SLC39A9: variants seen among roughly 807,000 people sequenced by gnomAD.
SLC39A9 encodes solute carrier family 39 member 9, also known as zinc transporter ZIP9.
In SLC39A9, 14 loss-of-function variants were observed where a neutral mutation model predicts 28.4. The ratio of observed to expected loss-of-function variants is 0.49; its 90% CI spans 0.33 to 0.77. SLC39A9 has a LOEUF of 0.77. Ranked by LOEUF, SLC39A9 falls within the 30% of genes least tolerant of loss-of-function variation. SLC39A9 has a pLI of 0.02. For missense variants in SLC39A9, 283 were observed against 381.1 expected (o/e 0.74, Z 2.14); for synonymous variants, 119 against 149.6 (o/e 0.80, Z 1.49).
At chr14:69,451,039 A>T (rs1388281582) in intron 3 of SLC39A9, among the ~76,000 whole-genome samples, 1 of 152,194 alleles carries the variant, frequency 6.6e-6, no homozygotes, top group East Asian at 1.9e-4. Flanking sequence ...TAAAGCCTCT[A>T]ATTGTTTAAG....
intron 1 of SLC39A9, among the ~76,000 whole-genome samples, chr14:69,422,530 C>T (rs938453919): frequency 8.5e-5 from 13 of 152,146 alleles, no homozygotes; most frequent in Non-Finnish European, 1.5e-4. Flanking sequence ...CTGCTTCCAC[C>T]ACCCAAGCAG....
At position 69,424,097 on chromosome 14, in the gene SLC39A9, C is replaced by T. The variant is rs970104043; in HGVS notation, c.100C>T (p.Arg34Ter). The T allele has an allele frequency of 1.9e-6, 3 of 1,612,812 alleles. No individual in the cohort carries two copies. Among genetic ancestry groups the T allele is most frequent in the Non-Finnish European group, 2.5e-6 (3 of 1,179,100 alleles). ...IPLAVNFSEE[R>*]LKLVTVLGAG... ...ATTTCTTTTGCTTTCTCCCCAGGAACGACTGAAGCTGGTGACTGTTTTGGG... is the reference window on the plus strand; with the variant it reads ...ATTTCTTTTGCTTTCTCCCCAGGAATGACTGAAGCTGGTGACTGTTTTGGG... The change falls in exon 2 of 7, where the codon CGA becomes TGA. Residue 34 changes from arginine to a stop codon, truncating the protein, a stop_gained. Transcript: ENST00000336643. LOFTEE classifies it high-confidence loss of function.
intron 1 of SLC39A9, among the ~76,000 whole-genome samples, chr14:69,403,920 G>C (rs1178053432): frequency 6.6e-6 from 1 of 152,182 alleles, no homozygotes; most frequent in Non-Finnish European, 1.5e-5. Context: ...GCACGTGCCT[G>C]TAATCCCAGC....
At chr14:69,414,215 G>A (rs141487138) in intron 1 of SLC39A9, among the ~76,000 whole-genome samples, 1 of 152,060 alleles carries the variant, frequency 6.6e-6, no homozygotes, top group Non-Finnish European at 1.5e-5. Context: ...ACTCGGCTAA[G>A]TTTTGTATTT....
chr14:69,437,986 C>T (rs1884859920), intron 2 of SLC39A9, among the ~76,000 whole-genome samples: 1 of 150,946 alleles, frequency 6.6e-6, no homozygotes, highest in Non-Finnish European at 1.5e-5. Context: ...TTTGTTTTTG[C>T]TGCTTTACTC....
At chr14:69,439,288 A>G (rs1458322627) in intron 2 of SLC39A9, among the ~76,000 whole-genome samples, 1 of 152,196 alleles carries the variant, frequency 6.6e-6, no homozygotes, top group Non-Finnish European at 1.5e-5. Context: ...ATATGTAACA[A>G]ACCTACACGT....
In SLC39A9 at chr14:69,454,262, A is replaced by G. The variant is rs142884834; in HGVS notation, c.473-550A>G. On this transcript the variant is annotated intron_variant, in intron 4 of 6. Transcript: ENST00000336643. ...GTAATCATCTATATAGAGTTCTAGTATCTTTATTTTATTTATTTCTTTTTT... is the reference window on the plus strand; with the variant it reads ...GTAATCATCTATATAGAGTTCTAGTGTCTTTATTTTATTTATTTCTTTTTT... Among the ~76,000 whole-genome samples the G allele has an allele frequency of 2.9e-3, 442 of 152,264 alleles. 1 individual carries two copies. The highest frequency in any genetic ancestry group is 0.01 in the African/African-American group (430 of 41,556).
At chr14:69,412,024 G>A (rs1009447785) in intron 1 of SLC39A9, among the ~76,000 whole-genome samples, 1 of 151,606 alleles carries the variant, frequency 6.6e-6, no homozygotes, top group South Asian at 2.1e-4. Context: ...CTCGTGATCC[G>A]CCTGCCTCAA....
intron 2 of SLC39A9, among the ~76,000 whole-genome samples, chr14:69,441,665 A>G (rs1350342291): frequency 2.6e-5 from 4 of 152,322 alleles, no homozygotes; most frequent in East Asian, 1.9e-4. Context: ...TTTGATTGCA[A>G]TTATTTTCAT....
rs114314463 is a variant in SLC39A9 at position 69,458,914 on chromosome 14, A to G, written c.*321A>G. On this transcript the variant is annotated 3_prime_UTR_variant, in exon 7 of 7. Transcript: ENST00000336643. ...GTTTTAAGGAAAAGAGGAGAACTTC[A>G]TACTCACAATGAAATAGTGATTATG... is the stretch of plus-strand genomic sequence containing the variant. The G allele has an allele frequency of 4.4e-4, 468 of 1,070,484 alleles. 3 individuals are homozygous for G. In the African/African-American group the frequency reaches 7.3e-3, roughly 17 times the overall value. 66.3% of individuals were successfully genotyped at this position (1,070,484 alleles called of 1,614,324 possible).
At chr14:69,398,484 A>AT (rs1281758632), upstream of SLC39A9, 11 of 590,526 alleles carry the variant, frequency 1.9e-5, no homozygotes, top group Non-Finnish European at 3.3e-5. Context: ...AGGAAGAATT[A>AT]TTTTTTTTCA....
At chr14:69,455,602 T>C (rs904554778) in intron 5 of SLC39A9, 130 bp from the exon 6 acceptor site, 8 of 1,254,348 alleles carry the variant, frequency 6.4e-6, no homozygotes, top group African/African-American at 3.0e-5. Context: ...TTACAGGCAT[T>C]AGCCACTGTG....
At chr14:69,437,535 C>G (rs1884829035) in intron 2 of SLC39A9, among the ~76,000 whole-genome samples, 1 of 151,978 alleles carries the variant, frequency 6.6e-6, no homozygotes, top group African/African-American at 2.4e-5. Flanking sequence ...TCAGATGTCT[C>G]CAACATTCCT....
intron 4 of SLC39A9, 185 bp from the exon 5 acceptor site, chr14:69,454,627 C>T (rs753404973): frequency 4.2e-5 from 20 of 471,984 alleles, no homozygotes; most frequent in Non-Finnish European, 6.8e-5. Flanking sequence ...ATTTAATCCT[C>T]ATGAAAACCC....
intron 2 of SLC39A9, 187 bp from the exon 3 acceptor site, chr14:69,441,882 C>T: frequency 2.9e-6 from 4 of 1,379,278 alleles, no homozygotes; most frequent in Non-Finnish European, 2.8e-6. Flanking sequence ...AGGCAGAAGA[C>T]ATTTGGGAAT....
Position 69,407,331 on chromosome 14 carries a change from T to TTCCTTC in SLC39A9, c.96+7866_96+7867insTCCTTC, listed in dbSNP as rs1566906764. On this transcript the variant is annotated intron_variant, in intron 1 of 6. Transcript: ENST00000336643. ...TCCTTCCTTCCTTCCTTCCTTCCTT[T>TTCCTTC]CTTCCTTCCTTTCTTCTTTCCTTCC... Among the ~76,000 whole-genome samples the TTCCTTC allele has an allele frequency of 3.1e-3, 411 of 134,228 alleles. 3 individuals are homozygous for TTCCTTC. Among genetic ancestry groups the TTCCTTC allele is most frequent in the Non-Finnish European group, 4.0e-3 (247 of 61,184 alleles). The allele number at this position is 134,228 out of a possible 152,430, so 88.1% of individuals were successfully genotyped here. A position where few individuals can be genotyped will look rare whatever the true frequency, so the allele number is the denominator to read the frequency against.
chr14:69,417,184 A>C (rs918491208), intron 1 of SLC39A9, among the ~76,000 whole-genome samples: 2 of 152,320 alleles, frequency 1.3e-5, no homozygotes, highest in Non-Finnish European at 1.5e-5. Flanking sequence ...TCAGCTTTCT[A>C]CATATGGCTA....
At chr14:69,441,891 A>T (rs71423360) in intron 2 of SLC39A9, 178 bp from the exon 3 acceptor site, 38,891 of 1,386,946 alleles carry the variant, frequency 0.028, 676 homozygotes, top group Non-Finnish European at 0.031. Flanking sequence ...ACATTTGGGA[A>T]TTTTTTCATC....
chr14:69,408,188 T>C (rs1432294414), intron 1 of SLC39A9, among the ~76,000 whole-genome samples: 1 of 151,860 alleles, frequency 6.6e-6, no homozygotes, highest in African/African-American at 2.4e-5. Flanking sequence ...AATTTTTGTA[T>C]TTTTGGTAGA....
Sources: allele counts gnomAD v4.1 joint callset (sites outside exome capture counted in the v4.1 genomes callset), GRCh38; gene constraint gnomAD v4.1.1; transcripts MANE v1.5; gene names NCBI Gene and HGNC (gene_info 2026-07-23, HGNC 2026-07-21).